The following VPS53 variants were observed in gnomAD, a reference collection of about 807,000 sequenced individuals.
The protein encoded by VPS53 is VPS53 subunit of GARP complex.
In VPS53, 70 loss-of-function variants were observed where a neutral mutation model predicts 107.0. That is an observed-to-expected ratio of 0.65 (90% CI 0.54 to 0.80). VPS53 has a LOEUF of 0.80. VPS53 is among the 30% of genes least tolerant of loss of function. The probability of loss-of-function intolerance (pLI) is 0.00; values close to 1 mark genes in which losing one functional copy is unlikely to be tolerated. For missense variants in VPS53, 917 were observed against 1,049.4 expected (o/e 0.87, Z 1.74); for synonymous variants, 409 against 393.3 (o/e 1.04, Z -0.47).
At chr17:712,004 G>A (rs565332432) in intron 1 of VPS53, among the ~76,000 whole-genome samples, 4 of 151,940 alleles carry the variant, frequency 2.6e-5, no homozygotes, top group African/African-American at 9.7e-5. Flanking sequence ...TTTTAGTAGA[G>A]AAGGGGTTTC....
chr17:653,506 A>C lies in VPS53; in HGVS notation c.489-96T>G. On this transcript the variant is annotated intron_variant, in intron 6 of 21. Coordinates refer to ENST00000437048, the MANE Select transcript of VPS53 (RefSeq NM_001128159.3). Reference sequence around the variant, plus strand: ...CACGCTAGCTCTCAAACAGATATCAACTCAGCTGAATCAACGTTCGCTGAG... The same window carrying C: ...CACGCTAGCTCTCAAACAGATATCACCTCAGCTGAATCAACGTTCGCTGAG... 4 of 1,564,334 alleles carry C rather than the reference A, an allele frequency of 2.6e-6. No homozygotes were observed. In the South Asian group the frequency reaches 3.5e-5, roughly 14 times the overall value.
intron 10 of VPS53, among the ~76,000 whole-genome samples, chr17:624,862 G>A (rs147099149): frequency 4.1e-4 from 62 of 152,116 alleles, no homozygotes; most frequent in African/African-American, 1.3e-3. Context: ...ATGCTAAAAG[G>A]TTCTCTAAAT....
At chr17:525,710 A>C (rs1185811908) in intron 19 of VPS53, among the ~76,000 whole-genome samples, 1 of 151,848 alleles carries the variant, frequency 6.6e-6, no homozygotes, top group Non-Finnish European at 1.5e-5. Flanking sequence ...AAAGAAAAAA[A>C]AAATGGGCCA....
intron 4 of VPS53, among the ~76,000 whole-genome samples, chr17:671,337 A>G: frequency 6.6e-6 from 1 of 151,408 alleles, no homozygotes; most frequent in Non-Finnish European, 1.5e-5. Context: ...AGAGACAGGA[A>G]AGAAAGAGGA....
chr17:662,827 G>GA (rs1567719963), intron 4 of VPS53, among the ~76,000 whole-genome samples: 3 of 134,668 alleles, frequency 2.2e-5, no homozygotes, highest in South Asian at 4.8e-4. Context: ...GAAAGAGAAA[G>GA]AGAAAGAAAG....
At chr17:650,602 A>C (rs922198769) in intron 7 of VPS53, among the ~76,000 whole-genome samples, 5 of 152,218 alleles carry the variant, frequency 3.3e-5, no homozygotes, top group African/African-American at 9.6e-5. Context: ...GAAAAACAAC[A>C]ATATCAAGTG....
At chr17:530,952 C>A (rs569248232) in intron 19 of VPS53, among the ~76,000 whole-genome samples, 2 of 152,334 alleles carry the variant, frequency 1.3e-5, no homozygotes, top group East Asian at 3.9e-4. Flanking sequence ...GGATCTGGCA[C>A]CCTTGTGGCA....
chr17:601,761 G>A (rs368946113), intron 12 of VPS53, 34 bp downstream of exon 12: 478 of 1,513,688 alleles, frequency 3.2e-4, no homozygotes, highest in Non-Finnish European at 4.2e-4. Context: ...CGCACATTGG[G>A]TAGGTTACCC....
At chr17:631,427 G>T in intron 8 of VPS53, 123 bp downstream of exon 8, 2 of 1,023,834 alleles carry the variant, frequency 2.0e-6, no homozygotes, top group Non-Finnish European at 3.0e-6. Context: ...TGAACCTGCA[G>T]CAGAAGGATT....
chr17:692,773 C>T (rs575534748), intron 4 of VPS53, among the ~76,000 whole-genome samples: 1 of 152,162 alleles, frequency 6.6e-6, no homozygotes, highest in Non-Finnish European at 1.5e-5. Flanking sequence ...GAGGCCGAGG[C>T]GGGCGGACCA....
In VPS53 at chr17:656,731, T is replaced by TGTGTGTGTGTGTGTGTGTGTG. The variant is rs571847599; in HGVS notation, c.373-779_373-778insCACACACACACACACACACAC. The TGTGTGTGTGTGTGTGTGTGTG allele has an allele frequency of 5.7e-6, 4 of 706,178 alleles. No homozygotes were observed. The African/African-American group carries it at 7.3e-5, about 13-fold the overall frequency. The allele number at this position is 706,178 out of a possible 1,614,324, so 43.7% of individuals were successfully genotyped here. A position where few individuals can be genotyped will look rare whatever the true frequency, so the allele number is the denominator to read the frequency against. ...GTGTGTGTGTGTGTGTGTGTGTGTG[T>TGTGTGTGTGTGTGTGTGTGTG]TTTATCATGCCACATTATTTTTAAT... On this transcript the variant is annotated intron_variant, in intron 5 of 21. Coordinates refer to ENST00000437048, the MANE Select transcript of VPS53 (RefSeq NM_001128159.3).
intron 7 of VPS53, among the ~76,000 whole-genome samples, chr17:638,008 C>T (rs545837693): frequency 1.3e-5 from 2 of 152,306 alleles, no homozygotes; most frequent in African/African-American, 2.4e-5. Flanking sequence ...CTAATGTTGA[C>T]AGTGGGGTGT....
intron 4 of VPS53, among the ~76,000 whole-genome samples, chr17:684,340 T>C (rs1288867506): frequency 6.6e-6 from 1 of 152,050 alleles, no homozygotes; most frequent in African/African-American, 2.4e-5. Context: ...CTGAAACTAA[T>C]AAGTGAGTTC....
chr17:572,435 C>G (rs541591303), intron 13 of VPS53, among the ~76,000 whole-genome samples: 2,799 of 147,774 alleles, frequency 0.019, 65 homozygotes, highest in Non-Finnish European at 0.028. Flanking sequence ...CCCCGCCCGG[C>G]CAGCCGCCCC....
chr17:621,468 G>A (rs970536201), intron 11 of VPS53, among the ~76,000 whole-genome samples: 1 of 152,090 alleles, frequency 6.6e-6, no homozygotes, highest in African/African-American at 2.4e-5. Flanking sequence ...TTGCTTGACA[G>A]GACATGCATA....
chr17:519,106 A>G lies in VPS53; in HGVS notation c.*22T>C, dbSNP rs1597236806. On this transcript the variant is annotated 3_prime_UTR_variant, in exon 22 of 22. Transcript: ENST00000437048. The surrounding 1 kb of genome is among the most constrained non-coding windows in gnomAD (Gnocchi z 5.0). The stretch of plus-strand genomic sequence containing the variant: ...CGGGCGCTGAGGGTCTCCAGCCAGG[A>G]GCAAAGGGCCCCTTGCTGCTGCTAC... The G allele has an allele frequency of 2.7e-6, 4 of 1,481,766 alleles. No individual in the cohort carries two copies. In the East Asian group the frequency reaches 1.0e-4, roughly 37 times the overall value. 91.8% of individuals were successfully genotyped at this position (1,481,766 alleles called of 1,614,324 possible). A position where few individuals can be genotyped will look rare whatever the true frequency, so the allele number is the denominator to read the frequency against.
intron 11 of VPS53, among the ~76,000 whole-genome samples, chr17:620,737 C>T (rs1006028267): frequency 1.4e-5 from 2 of 146,840 alleles, no homozygotes; most frequent in Middle Eastern, 3.7e-3. Context: ...AGTGCAGTGG[C>T]GCAACCTTGG....
Position 519,724 on chromosome 17 carries a change from A to C in VPS53, c.2328+102T>G, listed in dbSNP as rs1908576043. 1.2e-5 allele frequency: 11 copies of C among 900,262 alleles called. No individual in the cohort carries two copies. The highest frequency in any genetic ancestry group is 1.7e-5 in the Non-Finnish European group (10 of 572,204). 55.8% of individuals were successfully genotyped at this position (900,262 alleles called of 1,614,324 possible). The stretch of plus-strand genomic sequence containing the variant: ...TTGCTCTGTGGAGCCAGGCACATGC[A>C]TTTTGAGAAAGCCCCCCCGGAACTT... On this transcript the variant is annotated intron_variant, in intron 21 of 21. Coordinates refer to ENST00000437048, the MANE Select transcript of VPS53 (RefSeq NM_001128159.3). This position sits in a 1 kb window ranked among gnomAD's most constrained non-coding sequence, Gnocchi z 5.0.
chr17:662,676 G>C (rs752952246), intron 4 of VPS53, among the ~76,000 whole-genome samples: 1 of 148,722 alleles, frequency 6.7e-6, no homozygotes, highest in Non-Finnish European at 1.5e-5. Flanking sequence ...GTGACAGAGC[G>C]AGACTCCAAA....
Sources: allele counts gnomAD v4.1 joint callset (sites outside exome capture counted in the v4.1 genomes callset), GRCh38; gene constraint gnomAD v4.1.1; non-coding constraint Gnocchi (gnomAD v3.1); transcripts MANE v1.5; gene names NCBI Gene and HGNC (gene_info 2026-07-23, HGNC 2026-07-21).